UBE2E2: variants seen among roughly 807,000 people sequenced by gnomAD.
UBE2E2 encodes the protein ubiquitin conjugating enzyme E2 E2, also known as ubiquitin-conjugating enzyme E2 E2.
A neutral mutation model predicts 24.7 loss-of-function variants in UBE2E2; 6 were observed. The observed-to-expected ratio is 0.24, with a 90% CI of 0.13 to 0.48. The LOEUF (loss-of-function observed/expected upper bound fraction) is 0.48, where lower values mean the gene tolerates loss of function less well. Among genes scored for constraint, UBE2E2 ranks in the 20% least tolerant of loss-of-function variants. The pLI, the probability that UBE2E2 is intolerant of heterozygous loss-of-function variation, is 0.99. For synonymous variants in UBE2E2, 104 were observed against 83.6 expected (o/e 1.24, Z -1.33); for missense variants, 169 against 245.0 (o/e 0.69, Z 2.07).
At chr3:23,382,120 A>C (rs1696684051) in intron 3 of UBE2E2, among the ~76,000 whole-genome samples, 1 of 151,940 alleles carries the variant, frequency 6.6e-6, no homozygotes, top group Admixed American at 6.5e-5. Context: ...GGTATATTTT[A>C]TGAAATATCA....
intron 3 of UBE2E2, among the ~76,000 whole-genome samples, chr3:23,499,322 A>T (rs1337977652): frequency 2.0e-5 from 3 of 152,290 alleles, no homozygotes; most frequent in East Asian, 1.9e-4. Context: ...CTTTCATTAA[A>T]CATTTGTGTT....
intron 5 of UBE2E2, among the ~76,000 whole-genome samples, chr3:23,574,119 C>G (rs1293165056): frequency 6.6e-6 from 1 of 152,116 alleles, no homozygotes; most frequent in African/African-American, 2.4e-5. Context: ...ATAAGCCAGG[C>G]ACAGAACGAC....
intron 3 of UBE2E2, among the ~76,000 whole-genome samples, chr3:23,356,788 A>T (rs367849793): frequency 1.2e-4 from 18 of 152,394 alleles, no homozygotes; most frequent in East Asian, 1.2e-3. Context: ...AACAAACAAC[A>T]TCAAAATTTC....
intron 3 of UBE2E2, among the ~76,000 whole-genome samples, chr3:23,323,881 C>A (rs984659538): frequency 1.3e-5 from 2 of 152,062 alleles, no homozygotes; most frequent in African/African-American, 4.8e-5. Context: ...TTTGTTCATG[C>A]CATGATTGAT....
intron 3 of UBE2E2, among the ~76,000 whole-genome samples, chr3:23,360,806 A>T (rs1387262539): frequency 6.6e-6 from 1 of 152,172 alleles, no homozygotes; most frequent in Non-Finnish European, 1.5e-5. Flanking sequence ...TGAGCTCCTC[A>T]AGAAATTTCT....
At position 23,565,012 on chromosome 3, in the gene UBE2E2, C is replaced by T. The variant is rs554516349; in HGVS notation, c.509-24722C>T. Reference sequence around the variant, plus strand: ...TACTTTACAGTGGGAGAGTGGGTGGCGGCTTTCAGCTGTGTAACTTGAAGA... The same window carrying T: ...TACTTTACAGTGGGAGAGTGGGTGGTGGCTTTCAGCTGTGTAACTTGAAGA... On this transcript the variant is annotated intron_variant, in intron 5 of 5. Coordinates refer to ENST00000396703, the MANE Select transcript of UBE2E2 (RefSeq NM_152653.4). Among the ~76,000 whole-genome samples, 4 of 152,160 alleles carry T rather than the reference C, an allele frequency of 2.6e-5. No individual in the cohort carries two copies. In the South Asian group the frequency reaches 6.2e-4, roughly 24 times the overall value.
At chr3:23,491,211 T>C (rs1275458192) in intron 3 of UBE2E2, among the ~76,000 whole-genome samples, 1 of 152,212 alleles carries the variant, frequency 6.6e-6, no homozygotes, top group Non-Finnish European at 1.5e-5. Context: ...CAGGAGTCTA[T>C]GGAATACTAG....
intron 3 of UBE2E2, among the ~76,000 whole-genome samples, chr3:23,301,016 C>T (rs536275440): frequency 2.1e-4 from 32 of 152,266 alleles, no homozygotes; most frequent in African/African-American, 7.0e-4. Flanking sequence ...CTTCTCTTCT[C>T]GCTTCATTTC....
At chr3:23,313,944 T>A (rs1694494399) in intron 3 of UBE2E2, among the ~76,000 whole-genome samples, 1 of 152,188 alleles carries the variant, frequency 6.6e-6, no homozygotes, top group Non-Finnish European at 1.5e-5. Flanking sequence ...AGATTTGAGG[T>A]TACCATGAGG....
intron 5 of UBE2E2, among the ~76,000 whole-genome samples, chr3:23,558,908 A>T (rs1695854516): frequency 6.6e-6 from 1 of 152,144 alleles, no homozygotes; most frequent in Non-Finnish European, 1.5e-5. Context: ...TTATAATTGT[A>T]TTTATATTAA....
intron 3 of UBE2E2, among the ~76,000 whole-genome samples, chr3:23,326,032 AT>A (rs1217696267): frequency 1.3e-5 from 2 of 152,164 alleles, no homozygotes; most frequent in African/African-American, 4.8e-5. Flanking sequence ...TTTCTGTCTC[AT>A]TTTGACTTCT....
chr3:23,439,226 C>T (rs1311292221), intron 3 of UBE2E2, among the ~76,000 whole-genome samples: 1 of 152,224 alleles, frequency 6.6e-6, no homozygotes, highest in Non-Finnish European at 1.5e-5. Flanking sequence ...TAACCTGAGA[C>T]TTTCCCTTCA....
At chr3:23,441,526 G>GA (rs369099763) in intron 3 of UBE2E2, among the ~76,000 whole-genome samples, 5,925 of 92,718 alleles carry the variant, frequency 0.064, 447 homozygotes, top group African/African-American at 0.2. Context: ...GCGACAAAGC[G>GA]AGACTCCGTC....
At chr3:23,575,575 CAAATT>C (rs1421344942) in intron 5 of UBE2E2, among the ~76,000 whole-genome samples, 1 of 151,928 alleles carries the variant, frequency 6.6e-6, no homozygotes, top group East Asian at 1.9e-4. Flanking sequence ...CAGTAGGTAT[CAAATT>C]AAATACAGGT....
At chr3:23,210,526 T>C (rs1696293068) in intron 2 of UBE2E2, among the ~76,000 whole-genome samples, 1 of 152,206 alleles carries the variant, frequency 6.6e-6, no homozygotes, top group Admixed American at 6.5e-5. Context: ...GTTTTTCAAG[T>C]ACGTGGGTCA....
At chr3:23,319,826 C>A (rs1281009522) in intron 3 of UBE2E2, among the ~76,000 whole-genome samples, 1 of 150,676 alleles carries the variant, frequency 6.6e-6, no homozygotes, top group Non-Finnish European at 1.5e-5. Context: ...AAAAAAAGAA[C>A]AACAAAAAAC....
intron 3 of UBE2E2, among the ~76,000 whole-genome samples, chr3:23,448,075 G>T (rs1008296650): frequency 5.9e-5 from 9 of 152,158 alleles, no homozygotes; most frequent in African/African-American, 1.7e-4. Context: ...ATTAAAGGCA[G>T]TATTTTTTTT....
intron 3 of UBE2E2, among the ~76,000 whole-genome samples, chr3:23,377,866 T>G (rs1203067510): frequency 6.6e-6 from 1 of 152,226 alleles, no homozygotes; most frequent in Non-Finnish European, 1.5e-5. Context: ...TTTCAAGTTT[T>G]CAACAGCTTT....
At chr3:23,274,748 A>G (rs1171734655) in intron 3 of UBE2E2, among the ~76,000 whole-genome samples, 2 of 152,198 alleles carry the variant, frequency 1.3e-5, no homozygotes, top group Non-Finnish European at 2.9e-5. Flanking sequence ...TTTTTAAAAT[A>G]ATGATACACT....
Sources: allele counts gnomAD v4.1 joint callset (sites outside exome capture counted in the v4.1 genomes callset), GRCh38; gene constraint gnomAD v4.1.1; transcripts MANE v1.5; gene names NCBI Gene and HGNC (gene_info 2026-07-23, HGNC 2026-07-21).